TMEM273: variants seen among roughly 807,000 people sequenced by gnomAD.
TMEM273 encodes chromosome 10 open reading frame 128.
TMEM273 carries 19 observed loss-of-function variants against 17.9 expected under a neutral mutation model. The observed-to-expected ratio is 1.06, with a 90% CI of 0.74 to 1.55. The LOEUF is 1.55. TMEM273 is among the 40% of genes most tolerant of loss of function. The probability of loss-of-function intolerance (pLI) is 0.00; values close to 1 mark genes in which losing one functional copy is unlikely to be tolerated. For synonymous variants in TMEM273, 66 were observed against 62.0 expected (o/e 1.07, Z -0.31); for missense variants, 194 against 155.6 (o/e 1.25, Z -1.31).
At chr10:49,185,903 A>G (rs1422219241) in intron 1 of TMEM273, among the ~76,000 whole-genome samples, 1 of 151,634 alleles carries the variant, frequency 6.6e-6, no homozygotes, top group Non-Finnish European at 1.5e-5. Context: ...GCTTGAACCC[A>G]GGAGGTGGAG....
At chr10:49,165,107 A>C in intron 5 of TMEM273, 98 bp downstream of exon 5, 1 of 1,423,842 alleles carries the variant, frequency 7.0e-7, no homozygotes, top group Non-Finnish European at 9.2e-7. Context: ...AGACAAATCA[A>C]TATATCGTAT....
rs751122620 is a variant in TMEM273 at position 49,184,175 on chromosome 10, C to T, written c.43+4119G>A. On this transcript the variant is annotated intron_variant, in intron 1 of 6. Coordinates refer to ENST00000374153, the MANE Select transcript of TMEM273 (RefSeq NM_001288740.3). ...TTAAAATTAGATCCTTTCTTTAGGC[C>T]GTAAATAAAAATAAATTCCAAATAA... is the stretch of plus-strand genomic sequence containing the variant. Among the ~76,000 whole-genome samples the T allele has an allele frequency of 5.9e-5, 9 of 151,972 alleles. No individual in the cohort carries two copies. In the East Asian group the frequency reaches 9.6e-4, roughly 16 times the overall value.
rs1249724069 is a variant in TMEM273, at chr10:49,155,671, T to A, written c.*221A>T. 5 of 635,554 alleles carry A rather than the reference T, an allele frequency of 7.9e-6. No individual in the cohort carries two copies. The highest frequency in any genetic ancestry group is 2.7e-6 in the Non-Finnish European group (1 of 371,874). 39.4% of individuals were successfully genotyped at this position (635,554 alleles called of 1,614,324 possible). ...ACTGCAGGCTAAATTGCTCAATCCT[T>A]CCTCTGTGCAGTCCGTTTCTTCCAG... On this transcript the variant is annotated 3_prime_UTR_variant, in exon 7 of 7. Coordinates refer to ENST00000374153, the MANE Select transcript of TMEM273 (RefSeq NM_001288740.3).
chr10:49,182,344 A>G (rs1847398980), intron 1 of TMEM273, among the ~76,000 whole-genome samples: 1 of 152,202 alleles, frequency 6.6e-6, no homozygotes, highest in African/African-American at 2.4e-5. Flanking sequence ...TTTGACTTGT[A>G]AGATAAAAAC....
intron 1 of TMEM273, among the ~76,000 whole-genome samples, chr10:49,184,669 A>G (rs1419183196): frequency 6.6e-6 from 1 of 152,226 alleles, no homozygotes; most frequent in Non-Finnish European, 1.5e-5. Flanking sequence ...AGGAACAGAT[A>G]TGGCCACAAC....
At chr10:49,174,155 C>G (rs958314854) in intron 1 of TMEM273, among the ~76,000 whole-genome samples, 2 of 152,220 alleles carry the variant, frequency 1.3e-5, no homozygotes, top group African/African-American at 4.8e-5. Context: ...CTGTGCTACC[C>G]TGCAATGTTA....
chr10:49,183,345 GA>G (rs1832381304), intron 1 of TMEM273, among the ~76,000 whole-genome samples: 1 of 136,700 alleles, frequency 7.3e-6, no homozygotes, highest in Non-Finnish European at 1.6e-5. Context: ...ATTGTTTCAG[GA>G]AACAAATTGT....
rs772984405 is a variant in TMEM273, at chr10:49,188,305, A to G, written c.32T>C (p.Leu11Pro). Residue 11 changes from leucine (L) to proline (P), a missense_variant, in exon 1 of 7, where the codon CTC becomes CCC. By Grantham distance (98) the Leu-to-Pro change is moderately conservative. Coordinates refer to ENST00000374153, the MANE Select transcript of TMEM273 (RefSeq NM_001288740.3). MNLGVSMLRI[L>P]FLLDVGGAQV... The stretch of plus-strand genomic sequence containing the variant: ...CAGTCCCCACTTACCCAGGAGGAAG[A>G]GGATCCTCAGCATGCTGACCCCCAA... 60 of 1,614,038 alleles carry G rather than the reference A, an allele frequency of 3.7e-5. No homozygotes were observed. The highest frequency in any genetic ancestry group is 4.9e-5 in the Non-Finnish European group (58 of 1,180,022).
At chr10:49,186,110 G>GAAGAAGAAGAAGAAGAAGAA (rs59346438) in intron 1 of TMEM273, among the ~76,000 whole-genome samples, 1,074 of 82,724 alleles carry the variant, frequency 0.013, 36 homozygotes, top group Middle Eastern at 0.018. Flanking sequence ...AAGAAGAAGA[G>GAAGAAGAAGAAGAAGAAGAA]GAAGAAGAAG....
chr10:49,179,133 T>C (rs1030899467), intron 1 of TMEM273, among the ~76,000 whole-genome samples: 2 of 152,258 alleles, frequency 1.3e-5, no homozygotes, highest in African/African-American at 4.8e-5. Flanking sequence ...ATTATCCAGT[T>C]ATTTCATGGA....
chr10:49,177,850 G>A (rs1847088051), intron 1 of TMEM273, among the ~76,000 whole-genome samples: 1 of 152,030 alleles, frequency 6.6e-6, no homozygotes. Context: ...GCTAAGCATG[G>A]GCTGGCCAGG....
chr10:49,156,077 T>C, intron 6 of TMEM273, 168 bp from the exon 7 acceptor site: 1 of 1,544,402 alleles, frequency 6.5e-7, no homozygotes, highest in Non-Finnish European at 8.7e-7. Flanking sequence ...TGAAGGCCAG[T>C]GGCTTCTGGG....
intron 1 of TMEM273, among the ~76,000 whole-genome samples, chr10:49,170,053 G>T (rs1846457482): frequency 6.6e-6 from 1 of 152,192 alleles, no homozygotes; most frequent in South Asian, 2.1e-4. Flanking sequence ...TCCCTTGGTG[G>T]GCATTGCTCT....
At chr10:49,167,404 G>C (rs1206126079) in intron 2 of TMEM273, among the ~76,000 whole-genome samples, 1 of 152,282 alleles carries the variant, frequency 6.6e-6, no homozygotes, top group Non-Finnish European at 1.5e-5. Flanking sequence ...GATAAGGCCT[G>C]TCTGGCCTTT....
chr10:49,164,558 C>A (rs548980119), intron 5 of TMEM273, among the ~76,000 whole-genome samples: 229 of 152,358 alleles, frequency 1.5e-3, no homozygotes, highest in African/African-American at 5.4e-3. Context: ...TTGCTTAACA[C>A]AAGCCCCTCT....
intron 1 of TMEM273, among the ~76,000 whole-genome samples, chr10:49,186,076 A>AAGG (rs1847676822): frequency 7.1e-6 from 1 of 141,292 alleles, no homozygotes; most frequent in Non-Finnish European, 1.5e-5. Flanking sequence ...GAGGAAGAAG[A>AAGG]AGAAGAAGAA....
intron 1 of TMEM273, among the ~76,000 whole-genome samples, chr10:49,172,689 C>A (rs1418447488): frequency 1.3e-5 from 2 of 152,232 alleles, no homozygotes; most frequent in Admixed American, 6.5e-5. Flanking sequence ...CACAGCACGG[C>A]TCCCAGCTCA....
intron 2 of TMEM273, among the ~76,000 whole-genome samples, chr10:49,167,250 A>C (rs1298892848): frequency 1.3e-5 from 2 of 152,126 alleles, no homozygotes; most frequent in Non-Finnish European, 2.9e-5. Context: ...TCACCTGGCT[A>C]CCCCTGCCCA....
intron 1 of TMEM273, among the ~76,000 whole-genome samples, chr10:49,180,238 G>A (rs1262346034): frequency 1.3e-5 from 2 of 152,120 alleles, no homozygotes; most frequent in African/African-American, 2.4e-5. Flanking sequence ...GACACATGAA[G>A]AGCAGTGATG....
Sources: gnomAD v4.1 joint callset for allele counts (sites outside exome capture counted in the v4.1 genomes callset) on GRCh38, gnomAD v4.1.1 for gene constraint, MANE v1.5 for transcripts, NCBI Gene and HGNC (gene_info 2026-07-23, HGNC 2026-07-21) for gene names.